PCDHGA3: variants seen among roughly 807,000 people sequenced by gnomAD.
PCDHGA3 encodes protocadherin gamma-A3.
In PCDHGA3, 40 loss-of-function variants were observed where a neutral mutation model predicts 58.5. That is an observed-to-expected ratio of 0.68 (90% confidence interval 0.53 to 0.89). The LOEUF (loss-of-function observed/expected upper bound fraction) is 0.89. Ranked by LOEUF, PCDHGA3 falls within the 40% of genes least tolerant of loss-of-function variation. The pLI is 0.00. For missense variants in PCDHGA3, 1,223 were observed against 1,195.9 expected, an observed-to-expected ratio of 1.02 and a Z score of -0.33; for synonymous variants, 530 against 525.7, an observed-to-expected ratio of 1.01 and a Z score of -0.11.
intron 1 of PCDHGA3, chr5:141,413,082 A>G: frequency 7.4e-7 from 1 of 1,344,446 alleles, no homozygotes; most frequent in African/African-American, 1.5e-5. Context: ...CCCAGGCTAC[A>G]GAGACACCCT....
chr5:141,423,065 G>C, intron 1 of PCDHGA3: 1 of 1,614,138 alleles, frequency 6.2e-7, no homozygotes, highest in Non-Finnish European at 8.5e-7. Flanking sequence ...CTTAAGGCCA[G>C]CGAGCCGGGA....
intron 1 of PCDHGA3, chr5:141,365,642 A>G (rs1764035406): frequency 6.2e-7 from 1 of 1,613,554 alleles, no homozygotes; most frequent in Non-Finnish European, 8.5e-7. Flanking sequence ...AGAAAGCCAC[A>G]TCCCCTTGAA....
Position 141,486,683 on chromosome 5 carries a change from G to C in PCDHGA3, c.2425-8124G>C, listed in dbSNP as rs1207359772. 6.2e-7 allele frequency: 1 copy of C among 1,613,974 alleles called. No individual in the cohort carries two copies. ...GGAGCCCAGGAATCGAGATGTATCA[G>C]CTTCCTCTTTCATCTCTCTGAACCC... On this transcript the variant is annotated intron_variant, in intron 1 of 3. Coordinates refer to ENST00000253812, the MANE Select transcript of PCDHGA3 (RefSeq NM_018916.4). This position sits in a 1 kb window ranked among gnomAD's most constrained non-coding sequence, Gnocchi z 5.0.
chr5:141,394,929 G>C, intron 1 of PCDHGA3: 4 of 1,613,762 alleles, frequency 2.5e-6, no homozygotes, highest in Non-Finnish European at 3.4e-6. Flanking sequence ...TGTCTTCCTC[G>C]CCTTTGTCGC....
rs776004958 is a variant in PCDHGA3 at position 141,410,344 on chromosome 5, C to T, written c.2424+63887C>T. 6 of 1,614,006 alleles carry T rather than the reference C, an allele frequency of 3.7e-6. No individual in the cohort carries two copies. In the South Asian group the frequency reaches 6.6e-5, roughly 18 times the overall value. On this transcript the variant is annotated intron_variant, in intron 1 of 3. Transcript: ENST00000253812. ...CCGTGATTCTGGCCATTGCCTTGCG[C>T]CTGCGACGCTCTCTCAGCCCTGCTA...
chr5:141,414,635 A>G (rs753834653), intron 1 of PCDHGA3: 72 of 1,613,866 alleles, frequency 4.5e-5, no homozygotes, highest in Admixed American at 2.0e-4. Flanking sequence ...GACAGCAAAG[A>G]GAATGCCCAG....
At chr5:141,356,299 G>A (rs1226901970) in intron 1 of PCDHGA3, 10 of 1,554,820 alleles carry the variant, frequency 6.4e-6, no homozygotes, top group Non-Finnish European at 7.8e-6. Flanking sequence ...TACAGTAATT[G>A]CACTTTTCAA....
chr5:141,393,356 C>G (rs1174239790), intron 1 of PCDHGA3: 3 of 1,613,978 alleles, frequency 1.9e-6, no homozygotes, highest in East Asian at 2.2e-5. Context: ...TCTCCCTGGA[C>G]GTGCAGACTG....
intron 1 of PCDHGA3, among the ~76,000 whole-genome samples, chr5:141,449,606 A>AG (rs1263111904): frequency 2.0e-5 from 3 of 150,702 alleles, no homozygotes; most frequent in Non-Finnish European, 3.0e-5. Flanking sequence ...AAAAAAAAAA[A>AG]AGTAAAAAAG....
At position 141,432,580 on chromosome 5, in the gene PCDHGA3, T is replaced by C. The variant is rs773087131; in HGVS notation, c.2425-62227T>C. 20 of 1,613,202 alleles carry C rather than the reference T, an allele frequency of 1.2e-5. No individual in the cohort carries two copies. The highest frequency in any genetic ancestry group is 4.0e-5 in the African/African-American group (3 of 74,662). On this transcript the variant is annotated intron_variant, in intron 1 of 3. Transcript: ENST00000253812. The surrounding 1 kb of genome is among the most constrained non-coding windows in gnomAD (Gnocchi z 6.0). ...GCCAGAACGCCTGGCTGTCCTACCG[T>C]CTGCTCAAGGCCAGCGAGCCGGGAC... is the stretch of plus-strand genomic sequence containing the variant.
At chr5:141,499,399 C>A (rs2099791676) in intron 2 of PCDHGA3, among the ~76,000 whole-genome samples, 1 of 152,072 alleles carries the variant, frequency 6.6e-6, no homozygotes, top group Non-Finnish European at 1.5e-5. Flanking sequence ...ATAGTACATG[C>A]TCATTATAGA....
chr5:141,388,710 G>A (rs756980821), intron 1 of PCDHGA3: 3 of 1,613,966 alleles, frequency 1.9e-6, no homozygotes, highest in Non-Finnish European at 8.5e-7. Flanking sequence ...TGTCAATGCC[G>A]AGATTACTTT....
intron 1 of PCDHGA3, chr5:141,417,801 G>A (rs368563336): frequency 1.3e-6 from 2 of 1,490,494 alleles, no homozygotes; most frequent in South Asian, 1.4e-5. Context: ...CTTTTAGCGC[G>A]GTAGAGTGCA....
chr5:141,489,427 C>T lies in PCDHGA3; in HGVS notation c.2425-5380C>T, dbSNP rs370540900. 83 of 1,613,990 alleles carry T rather than the reference C, an allele frequency of 5.1e-5. No individual in the cohort carries two copies. The highest frequency in any genetic ancestry group is 8.3e-5 in the Admixed American group (5 of 59,996). On this transcript the variant is annotated intron_variant, in intron 1 of 3. Transcript: ENST00000253812. The surrounding 1 kb of genome is among the most constrained non-coding windows in gnomAD (Gnocchi z 4.5). ...AAAGATGACAGATCTGTTGAGCCGGCGGCTGCAATTGGGCTCTGAGGAGAA... is the reference window on the plus strand; with the variant it reads ...AAAGATGACAGATCTGTTGAGCCGGTGGCTGCAATTGGGCTCTGAGGAGAA...
At chr5:141,420,061 G>A (rs376044810) in intron 1 of PCDHGA3, 3 of 1,613,958 alleles carry the variant, frequency 1.9e-6, no homozygotes, top group Non-Finnish European at 2.5e-6. Flanking sequence ...TCTGCTCCAA[G>A]TCCGGACCTG....
chr5:141,475,981 G>A, intron 1 of PCDHGA3: 1 of 1,042,940 alleles, frequency 9.6e-7, no homozygotes, highest in Non-Finnish European at 1.4e-6. Context: ...CTGAACAGCC[G>A]GCGAGCAAAT....
chr5:141,365,178 A>G, intron 1 of PCDHGA3: 2 of 1,613,928 alleles, frequency 1.2e-6, no homozygotes, highest in Non-Finnish European at 1.7e-6. Flanking sequence ...TCTTTTCGCA[A>G]TGAAGAAGAA....
intron 3 of PCDHGA3, among the ~76,000 whole-genome samples, chr5:141,507,713 C>T (rs2099862763): frequency 6.6e-6 from 1 of 152,234 alleles, no homozygotes; most frequent in Non-Finnish European, 1.5e-5. Flanking sequence ...GGCCCCAAAC[C>T]CTCCAAGCAA....
At chr5:141,420,353 G>C (rs1281948860) in intron 1 of PCDHGA3, 1 of 1,382,260 alleles carries the variant, frequency 7.2e-7, no homozygotes, top group African/African-American at 1.5e-5. Context: ...ATTATTTTAA[G>C]ATTCTAGATA....
Sources: allele counts gnomAD v4.1 joint callset (sites outside exome capture counted in the v4.1 genomes callset), GRCh38; gene constraint gnomAD v4.1.1; non-coding constraint Gnocchi (gnomAD v3.1); transcripts MANE v1.5; gene names NCBI Gene and HGNC (gene_info 2026-07-23, HGNC 2026-07-21).